The following PAX5 variants were observed in gnomAD, a reference collection of about 807,000 sequenced individuals.
The protein encoded by PAX5 is paired box protein Pax-5.
In PAX5, 9 loss-of-function variants were observed where a neutral mutation model predicts 43.7. That is an observed-to-expected ratio of 0.21 (90% CI 0.12 to 0.36). PAX5 has a LOEUF of 0.36. PAX5 is among the 10% of genes least tolerant of loss of function. PAX5 has a pLI of 1.00. For missense variants in PAX5, 383 were observed against 532.7 expected, an observed-to-expected ratio of 0.72 and a Z score of 2.77; for synonymous variants, 228 against 214.3, an observed-to-expected ratio of 1.06 and a Z score of -0.56.
rs1287572963 is a variant in PAX5, at chr9:36,840,585, G to A, written c.1151C>T (p.Ala384Val). ...AAARGAAPPA[A>V]ATAYDRH ...TCAGTGACGGTCATAGGCAGTGGCG[G>A]CTGCAGGTGGGGCGGCTCCTCGGGC... Residue 384 changes from alanine (A) to valine (V), a missense_variant, in exon 10 of 10, where the codon GCC becomes GTC. Around this residue, in one of 5 missense-constraint regions of PAX5, gnomAD observed 291 missense variants for 342.5 expected, o/e 0.85. Transcript: ENST00000358127. 1.3e-6 allele frequency: 2 copies of A among 1,587,098 alleles called. No individual in the cohort carries two copies. The highest frequency in any genetic ancestry group is 1.8e-5 in the Admixed American group (1 of 55,108).
intron 7 of PAX5, among the ~76,000 whole-genome samples, chr9:36,891,741 C>A (rs1263260022): frequency 1.3e-5 from 2 of 152,226 alleles, no homozygotes; most frequent in African/African-American, 2.4e-5. Flanking sequence ...GGAATAGTAA[C>A]CCTCAATTTC....
chr9:36,997,627 C>A (rs950076830), intron 5 of PAX5, among the ~76,000 whole-genome samples: 4 of 152,224 alleles, frequency 2.6e-5, no homozygotes, highest in Non-Finnish European at 5.9e-5. Context: ...ATTCCCCTCA[C>A]CCAGCAGGAT....
At chr9:37,017,770 G>T (rs1456486505) in intron 2 of PAX5, among the ~76,000 whole-genome samples, 1 of 152,276 alleles carries the variant, frequency 6.6e-6, no homozygotes, top group South Asian at 2.1e-4. Context: ...AACTGTGGAA[G>T]ACTGCGGCCT....
At chr9:36,955,505 A>T (rs1331278239) in intron 6 of PAX5, among the ~76,000 whole-genome samples, 1 of 152,012 alleles carries the variant, frequency 6.6e-6, no homozygotes, top group South Asian at 2.1e-4. Context: ...GGTAAAACTT[A>T]CCTAGTGCCC....
intron 1 of PAX5, among the ~76,000 whole-genome samples, chr9:37,027,704 C>G (rs1378013197): frequency 6.6e-6 from 1 of 152,238 alleles, no homozygotes; most frequent in Non-Finnish European, 1.5e-5. Flanking sequence ...TGCGTGTGGA[C>G]AGCGCCGCCC....
At chr9:36,977,131 A>G (rs1270425089) in intron 5 of PAX5, among the ~76,000 whole-genome samples, 2 of 152,170 alleles carry the variant, frequency 1.3e-5, no homozygotes, top group Non-Finnish European at 2.9e-5. Context: ...GCCTAATGCA[A>G]GTGGCCAGAC....
At chr9:36,990,541 G>A (rs945819784) in intron 5 of PAX5, among the ~76,000 whole-genome samples, 1 of 152,228 alleles carries the variant, frequency 6.6e-6, no homozygotes, top group Non-Finnish European at 1.5e-5. Flanking sequence ...GCTATGTGGA[G>A]GGCAGACTAT....
intron 5 of PAX5, among the ~76,000 whole-genome samples, chr9:36,978,503 G>GAAATAAAT (rs61136613): frequency 8.6e-4 from 129 of 150,684 alleles, no homozygotes; most frequent in East Asian, 2.8e-3. Flanking sequence ...CCACTGCACA[G>GAAATAAAT]AAATAAATAA....
chr9:36,966,034 G>A (rs1159527989), intron 6 of PAX5, among the ~76,000 whole-genome samples: 3 of 152,234 alleles, frequency 2.0e-5, no homozygotes, highest in African/African-American at 7.2e-5. Context: ...TGTGCAATGA[G>A]ACATTTCTTT....
chr9:36,937,466 G>T (rs931717622), intron 6 of PAX5, among the ~76,000 whole-genome samples: 1 of 152,174 alleles, frequency 6.6e-6, no homozygotes, highest in Admixed American at 6.5e-5. Context: ...AGAGCCGGGG[G>T]TTAAACCCAG....
chr9:37,027,245 G>T, intron 1 of PAX5, among the ~76,000 whole-genome samples: 1 of 152,202 alleles, frequency 6.6e-6, no homozygotes, highest in East Asian at 1.9e-4. Context: ...CGCCCCTGAC[G>T]CTGGGGCCGC....
chr9:36,893,621 AAG>A (rs1827594507), intron 7 of PAX5: 1 of 154,366 alleles, frequency 6.5e-6, no homozygotes. Context: ...ATTGGAAGGA[AAG>A]AGACTTCTAT....
At chr9:36,945,223 CT>C (rs5897665) in intron 6 of PAX5, among the ~76,000 whole-genome samples, 1 of 149,300 alleles carries the variant, frequency 6.7e-6, no homozygotes, top group Admixed American at 6.7e-5. Context: ...GGACAACTGT[CT>C]TTTTTTTTTT....
At chr9:36,939,969 C>A (rs1479789891) in intron 6 of PAX5, among the ~76,000 whole-genome samples, 1 of 152,196 alleles carries the variant, frequency 6.6e-6, no homozygotes, top group African/African-American at 2.4e-5. Flanking sequence ...GCTGCCTAGT[C>A]CCCTGGCTAA....
intron 5 of PAX5, among the ~76,000 whole-genome samples, chr9:36,998,128 C>T (rs1408896631): frequency 6.6e-6 from 1 of 152,224 alleles, no homozygotes; most frequent in Non-Finnish European, 1.5e-5. Flanking sequence ...TGCATTCAGC[C>T]ATAATCTGCC....
intron 3 of PAX5, among the ~76,000 whole-genome samples, chr9:37,014,467 A>G (rs1032677604): frequency 1.3e-5 from 2 of 152,174 alleles, no homozygotes; most frequent in Admixed American, 1.3e-4. Flanking sequence ...GAGCTTTGTC[A>G]AGGTCCCACT....
rs551140743 is a variant in PAX5 at position 36,948,097 on chromosome 9, G to A, written c.780+18452C>T. ...CACACCAGCTCTGTGCTAGCATATCGGCATGGCTACCCTCCTCTTGTGGAT... is the reference window on the plus strand; with the variant it reads ...CACACCAGCTCTGTGCTAGCATATCAGCATGGCTACCCTCCTCTTGTGGAT... On this transcript the variant is annotated intron_variant, in intron 6 of 9. Transcript: ENST00000358127. Among the ~76,000 whole-genome samples the A allele has an allele frequency of 2.5e-4, 38 of 152,306 alleles. 1 individual carries two copies. In the South Asian group the frequency reaches 6.6e-3, roughly 27 times the overall value.
rs1400338210 is a variant in PAX5 at position 36,840,125 on chromosome 9, G to A, written c.*435C>T. On this transcript the variant is annotated 3_prime_UTR_variant, in exon 10 of 10. Transcript: ENST00000358127. ...TGCGAGATGCATCATGGGTGGAGCA[G>A]TCTTCTCAGTCGGACCTTCAGGCCC... 2 of 373,752 alleles carry A rather than the reference G, an allele frequency of 5.4e-6. No homozygotes were observed. The highest frequency in any genetic ancestry group is 3.3e-5 in the South Asian group (1 of 30,752). 23.2% of individuals were successfully genotyped at this position (373,752 alleles called of 1,614,324 possible).
Position 36,838,927 on chromosome 9 carries a change from C to T in PAX5, c.*1633G>A. The stretch of plus-strand genomic sequence containing the variant: ...CTGGCCTGCTGATCCCAAGTCCAGT[C>T]TCTCTCTGCCCTGGCTCTCTGCCAT... On this transcript the variant is annotated 3_prime_UTR_variant, in exon 10 of 10. Coordinates refer to ENST00000358127, the MANE Select transcript of PAX5 (RefSeq NM_016734.3). 4.3e-6 allele frequency: 1 copy of T among 233,410 alleles called. No homozygotes were observed. The highest frequency in any genetic ancestry group is 2.2e-5 in the African/African-American group (1 of 45,474). 14.5% of individuals were successfully genotyped at this position (233,410 alleles called of 1,614,324 possible).
Sources: allele counts gnomAD v4.1 joint callset (sites outside exome capture counted in the v4.1 genomes callset), GRCh38; gene constraint gnomAD v4.1.1; regional missense constraint gnomAD v4.1.1; transcripts MANE v1.5; gene names NCBI Gene and HGNC (gene_info 2026-07-23, HGNC 2026-07-21).